ADAMTSL1: variants seen among roughly 807,000 people sequenced by gnomAD.
ADAMTSL1 encodes ADAMTS like 1.
Under a neutral mutation model 201.8 loss-of-function variants are expected in ADAMTSL1, and 126 were observed. The observed-to-expected ratio is 0.62, with a 90% CI of 0.54 to 0.72. The LOEUF (loss-of-function observed/expected upper bound fraction) is 0.72, where lower values mean the gene tolerates loss of function less well. Among genes scored for constraint, ADAMTSL1 ranks in the 30% least tolerant of loss-of-function variants. ADAMTSL1 has a pLI of 0.00. For missense variants in ADAMTSL1, 2,679 were observed against 2,277.8 expected (o/e 1.18, Z -3.59); for synonymous variants, 1,121 against 903.4 (o/e 1.24, Z -4.32).
intron 23 of ADAMTSL1, among the ~76,000 whole-genome samples, chr9:18,859,278 C>A (rs908579322): frequency 6.6e-6 from 1 of 152,206 alleles, no homozygotes; most frequent in African/African-American, 2.4e-5. Context: ...TCAAAGCCAC[C>A]TGCATCCCTT....
Position 18,910,419 on chromosome 9 carries a change from G to T in ADAMTSL1, c.*1871G>T, listed in dbSNP as rs1056661419. On this transcript the variant is annotated 3_prime_UTR_variant, in exon 29 of 29. Transcript: ENST00000380548. Reference sequence around the variant, plus strand: ...GGACTTTATTAACTAACTTCCTGCAGTTGTGTTCCTGTAAACTCAGTAGTG... The same window carrying T: ...GGACTTTATTAACTAACTTCCTGCATTTGTGTTCCTGTAAACTCAGTAGTG... The T allele has an allele frequency of 2.8e-5, 3 of 107,930 alleles. No individual in the cohort carries two copies. The highest frequency in any genetic ancestry group is 1.0e-4 in the African/African-American group (3 of 29,110). The allele number at this position is 107,930 out of a possible 1,614,324, so 6.7% of individuals were successfully genotyped here. A position where few individuals can be genotyped will look rare whatever the true frequency, so the allele number is the denominator to read the frequency against.
intron 2 of ADAMTSL1, among the ~76,000 whole-genome samples, chr9:18,422,903 C>T (rs959501725): frequency 3.3e-5 from 5 of 152,174 alleles, no homozygotes; most frequent in African/African-American, 9.7e-5. Context: ...TGCCCTCTAA[C>T]ATTCTTTCTC....
intron 1 of ADAMTSL1, among the ~76,000 whole-genome samples, chr9:17,971,227 A>C (rs1778174): frequency 0.85 from 128,485 of 151,972 alleles, 54,549 homozygotes; most frequent in East Asian, 0.94. Context: ...AAGCAAACTG[A>C]CATGTGTCCT....
intron 1 of ADAMTSL1, among the ~76,000 whole-genome samples, chr9:18,079,477 T>C (rs945127077): frequency 5.3e-5 from 8 of 152,052 alleles, no homozygotes; most frequent in Admixed American, 1.3e-4. Flanking sequence ...AGGAGACAGA[T>C]TGAGACCATC....
chr9:18,839,806 T>C (rs1386278628), intron 23 of ADAMTSL1, among the ~76,000 whole-genome samples: 1 of 151,862 alleles, frequency 6.6e-6, no homozygotes, highest in Non-Finnish European at 1.5e-5. Flanking sequence ...CATTTTTTCA[T>C]GTGTTTTTTG....
chr9:18,548,911 A>T (rs998905474), intron 3 of ADAMTSL1, among the ~76,000 whole-genome samples: 4 of 151,992 alleles, frequency 2.6e-5, no homozygotes, highest in Admixed American at 2.6e-4. Context: ...ATGCAGAATC[A>T]GTGAAAATTT....
At chr9:18,004,712 C>T (rs1819745988) in intron 1 of ADAMTSL1, among the ~76,000 whole-genome samples, 1 of 151,960 alleles carries the variant, frequency 6.6e-6, no homozygotes, top group Admixed American at 6.6e-5. Flanking sequence ...ACCTTTGATG[C>T]ATTACAGGGT....
intron 1 of ADAMTSL1, among the ~76,000 whole-genome samples, chr9:17,960,002 A>G (rs770440388): frequency 2.0e-5 from 3 of 152,160 alleles, no homozygotes; most frequent in Non-Finnish European, 2.9e-5. Context: ...AGAGAACCCA[A>G]AGTTGCAGTG....
At chr9:18,673,629 G>A (rs1025304601) in intron 9 of ADAMTSL1, among the ~76,000 whole-genome samples, 14 of 152,098 alleles carry the variant, frequency 9.2e-5, no homozygotes, top group Admixed American at 2.0e-4. Context: ...CAGTGTTACT[G>A]CCTCCATTTT....
At chr9:18,779,615 C>T (rs1363953938) in intron 19 of ADAMTSL1, among the ~76,000 whole-genome samples, 1 of 152,218 alleles carries the variant, frequency 6.6e-6, no homozygotes, top group Non-Finnish European at 1.5e-5. Flanking sequence ...TCCACGCCCT[C>T]CAGCCCCCAC....
At position 18,350,293 on chromosome 9, in the gene ADAMTSL1, A is replaced by T. The variant is rs189638564; in HGVS notation, c.208-154536A>T. The stretch of plus-strand genomic sequence containing the variant: ...GCTTTATTCTTTCAGGTGCCTGAAG[A>T]GAGGTCTGAATGTAGAAGGAACTGC... On this transcript the variant is annotated intron_variant, in intron 2 of 29. Transcript: ENST00000680146. 4.3e-3 allele frequency among the ~76,000 whole-genome samples: 659 copies of T among 152,146 alleles called. 1 individual carries two copies. Among genetic ancestry groups the T allele is most frequent in the Non-Finnish European group, 7.5e-3 (508 of 67,984 alleles).
At chr9:18,644,616 C>T (rs2132846713) in intron 7 of ADAMTSL1, among the ~76,000 whole-genome samples, 1 of 150,576 alleles carries the variant, frequency 6.6e-6, no homozygotes, top group East Asian at 2.0e-4. Flanking sequence ...CAATTCCCAT[C>T]TATGAGTGAG....
intron 4 of ADAMTSL1, 21 bp downstream of exon 4, chr9:18,574,287 A>C: frequency 6.3e-7 from 1 of 1,594,740 alleles, no homozygotes; most frequent in East Asian, 2.2e-5. Context: ...ATTTGTTCTC[A>C]TTCAACTTGT....
At chr9:18,638,256 T>C (rs2132793223) in intron 6 of ADAMTSL1, among the ~76,000 whole-genome samples, 1 of 152,226 alleles carries the variant, frequency 6.6e-6, no homozygotes, top group Non-Finnish European at 1.5e-5. Flanking sequence ...GTAGACCCCC[T>C]CTACAATAAT....
At position 17,946,304 on chromosome 9, in the gene ADAMTSL1, T is replaced by C. The variant is rs563266101; in HGVS notation, c.87+39382T>C. ...TTGAACCATCATGCCGAGCTGACCT[T>C]AATATTTTTGAAAGAAAACATATTT... On this transcript the variant is annotated intron_variant, in intron 1 of 29. Coordinates refer to the ADAMTSL1 transcript ENST00000680146. Among the ~76,000 whole-genome samples, 14 of 152,130 alleles carry C rather than the reference T, an allele frequency of 9.2e-5. No individual in the cohort carries two copies. The East Asian group carries it at 2.3e-3, about 25-fold the overall frequency.
intron 2 of ADAMTSL1, among the ~76,000 whole-genome samples, chr9:18,387,439 A>G (rs1379498724): frequency 6.6e-6 from 1 of 151,942 alleles, no homozygotes; most frequent in Non-Finnish European, 1.5e-5. Flanking sequence ...CCAAAGTATG[A>G]TGATCCCAAA....
intron 1 of ADAMTSL1, among the ~76,000 whole-genome samples, chr9:18,148,802 T>C (rs1432956302): frequency 1.3e-5 from 2 of 152,052 alleles, no homozygotes; most frequent in Non-Finnish European, 2.9e-5. Flanking sequence ...TGAAGCAATT[T>C]GAAAAACATG....
intron 20 of ADAMTSL1, among the ~76,000 whole-genome samples, chr9:18,814,185 C>CT (rs1823689931): frequency 1.3e-5 from 2 of 152,158 alleles, no homozygotes; most frequent in Non-Finnish European, 2.9e-5. Context: ...TGTGATATAT[C>CT]ACATTTGTTG....
In ADAMTSL1 at chr9:18,908,577, T is replaced by TGGCCACACGAAGGACTCACGC. The variant is rs1295087761; in HGVS notation, c.*30_*50dup. 3.3e-6 allele frequency: 5 copies of TGGCCACACGAAGGACTCACGC among 1,531,200 alleles called. No homozygotes were observed. The African/African-American group carries it at 6.9e-5, about 21-fold the overall frequency. 94.9% of individuals were successfully genotyped at this position (1,531,200 alleles called of 1,614,324 possible). On this transcript the variant is annotated 3_prime_UTR_variant, in exon 29 of 29. Coordinates refer to ENST00000380548, the MANE Select transcript of ADAMTSL1 (RefSeq NM_001040272.6). ...TAGGGTGTGGGGAAAAACTCTACCC[T>TGGCCACACGAAGGACTCACGC]GGCCACACGAAGGACTCACGCAACC...
Sources: allele counts gnomAD v4.1 joint callset (sites outside exome capture counted in the v4.1 genomes callset), GRCh38; gene constraint gnomAD v4.1.1; transcripts MANE v1.5; gene names NCBI Gene and HGNC (gene_info 2026-07-23, HGNC 2026-07-21).